The following OR5H14 variants were observed in gnomAD, a reference collection of about 807,000 sequenced individuals.
OR5H14 encodes the protein olfactory receptor 5H14.
For missense variants in OR5H14, 392 were observed against 363.9 expected (o/e 1.08, Z -0.63); for synonymous variants, 155 against 130.6 (o/e 1.19, Z -1.28).
Position 98,156,353 on chromosome 3 carries a change from T to C in OR5H14, c.*6035T>C, listed in dbSNP as rs1279884681. ...GCTATTTAATATATAATGTTTGTAT[T>C]TGGATCACAGCATGCTAAGATTGCT... On this transcript the variant is annotated 3_prime_UTR_variant, in exon 2 of 2. Coordinates refer to ENST00000641380, the MANE Select transcript of OR5H14 (RefSeq NM_001005514.2). 6.6e-6 allele frequency: 1 copy of C among 152,160 alleles called. No homozygotes were observed. The highest frequency in any genetic ancestry group is 2.4e-5 in the African/African-American group (1 of 41,438). 9.4% of individuals were successfully genotyped at this position (152,160 alleles called of 1,614,324 possible).
Position 98,150,006 on chromosome 3 carries a change from A to C in OR5H14, c.621A>C (p.Gln207His). The C allele has an allele frequency of 6.2e-7, 1 of 1,613,012 alleles. No homozygotes were observed. Among genetic ancestry groups the C allele is most frequent in the Non-Finnish European group, 8.5e-7 (1 of 1,179,530 alleles). Residue 207 changes from glutamine to histidine, a missense_variant, in exon 2 of 2, where the codon CAA becomes CAC. Transcript: ENST00000641380. ...TTTTTATTTTTGCAGGTTCAATTCA[A>C]GTTTTTACCATAGGGACTGTTCTTA... is the stretch of plus-strand genomic sequence containing the variant. ...LMVFIFAGSI[Q>H]VFTIGTVLIS...
At chr3:98,148,578 A>T (rs1453854915) in intron 1 of OR5H14, among the ~76,000 whole-genome samples, 2 of 151,966 alleles carry the variant, frequency 1.3e-5, no homozygotes, top group Non-Finnish European at 1.5e-5. Flanking sequence ...TATCTCCTTT[A>T]TTACCACTTC....
Position 98,149,667 on chromosome 3 carries a change from C to T in OR5H14, c.282C>T (p.Leu94=). 1 of 1,613,542 alleles carries T rather than the reference C, an allele frequency of 6.2e-7. No individual in the cohort carries two copies. Residue 94 remains leucine, a synonymous_variant, in exon 2 of 2, where the codon CTC becomes CTT. Coordinates refer to ENST00000641380, the MANE Select transcript of OR5H14 (RefSeq NM_001005514.2). ...TAGCTAAGAGTAAGATGATATCTCT[C>T]TCTGAATGCAAGATACAGTTGTTTT... The part of the protein sequence containing the change: ...NFLAKSKMIS[L]SECKIQLFSF...
Position 98,150,237 on chromosome 3 carries a change from A to T in OR5H14, c.852A>T (p.Leu284Phe), listed in dbSNP as rs146590101. ...ESLFYTVIVP[L>F]LNPMIYSLRN... ...TATTTTACACTGTCATAGTTCCTTT[A>T]TTAAATCCCATGATCTACAGCCTGA... Residue 284 changes from leucine to phenylalanine, a missense_variant, in exon 2 of 2, where the codon TTA (leucine) becomes TTT (phenylalanine). Transcript: ENST00000641380. 1 of 1,610,804 alleles carries T rather than the reference A, an allele frequency of 6.2e-7. No homozygotes were observed.
In OR5H14 at chr3:98,150,255, C is replaced by T; in HGVS notation, c.870C>T (p.Tyr290=). Residue 290 remains tyrosine (Y), a synonymous_variant, in exon 2 of 2, where the codon TAC becomes TAT. Transcript: ENST00000641380. ...VIVPLLNPMI[Y]SLRNKQVIAS... is the part of the protein sequence containing the mutation. Reference sequence around the variant, plus strand: ...TTCCTTTATTAAATCCCATGATCTACAGCCTGAGAAACAAGCAAGTAATAG... The same window carrying T: ...TTCCTTTATTAAATCCCATGATCTATAGCCTGAGAAACAAGCAAGTAATAG... The T allele has an allele frequency of 1.2e-6, 2 of 1,605,458 alleles. No homozygotes were observed. Among genetic ancestry groups the T allele is most frequent in the South Asian group, 1.1e-5 (1 of 89,028 alleles).
Position 98,149,446 on chromosome 3 carries a change from C to G in OR5H14, c.61C>G (p.Pro21Ala), listed in dbSNP as rs753352975. The change falls in exon 2 of 2, where the codon CCA becomes GCA. Residue 21 changes from proline to alanine, a missense_variant. Physicochemically the swap from Pro to Ala is conservative, Grantham distance 27. Coordinates refer to ENST00000641380, the MANE Select transcript of OR5H14 (RefSeq NM_001005514.2). ...TGTTCTCACAGGATTTTTATATCAA[C>G]CACAGTGGAAAATACCCCTGTTCCT... ...EFVLTGFLYQ[P>A]QWKIPLFLAF... 1.9e-6 allele frequency: 3 copies of G among 1,613,358 alleles called. No individual in the cohort carries two copies. The East Asian group carries it at 6.7e-5, about 36-fold the overall frequency.
At chr3:98,148,277 T>C (rs1301661573) in intron 1 of OR5H14, 2 of 152,060 alleles carry the variant, frequency 1.3e-5, no homozygotes, top group Non-Finnish European at 2.9e-5. Context: ...ACATCTTGGC[T>C]ATTTACCAGA....
At position 98,149,562 on chromosome 3, in the gene OR5H14, G is replaced by A. The variant is rs376408243; in HGVS notation, c.177G>A (p.Met59Ile). Residue 59 changes from methionine to isoleucine, a missense_variant, in exon 2 of 2, where the codon ATG becomes ATA. Physicochemically the swap from Met to Ile is conservative, Grantham distance 10 (BLOSUM62 1). Coordinates refer to ENST00000641380, the MANE Select transcript of OR5H14 (RefSeq NM_001005514.2). ...IWKDPHLHIP[M>I]YLLLGNLAFV... The stretch of plus-strand genomic sequence containing the variant: ...AAGACCCTCATCTTCATATCCCAAT[G>A]TACTTACTCCTTGGGAATTTAGCTT... The A allele has an allele frequency of 8.5e-5, 137 of 1,613,380 alleles. No individual in the cohort carries two copies. Among genetic ancestry groups the A allele is most frequent in the Non-Finnish European group, 1.9e-5 (23 of 1,179,584 alleles).
At position 98,155,176 on chromosome 3, in the gene OR5H14, A is replaced by C. The variant is rs1231240873; in HGVS notation, c.*4858A>C. On this transcript the variant is annotated 3_prime_UTR_variant, in exon 2 of 2. Transcript: ENST00000641380. ...ACCCCTATGATTTTATCCCCAACAC[A>C]ACCAATCAGCTTTCCTCATTCCTTA... The C allele has an allele frequency of 3.3e-5, 5 of 152,238 alleles. No individual in the cohort carries two copies. The highest frequency in any genetic ancestry group is 2.9e-5 in the Non-Finnish European group (2 of 68,066). The allele number at this position is 152,238 out of a possible 1,614,324, so 9.4% of individuals were successfully genotyped here. A position where few individuals can be genotyped will look rare whatever the true frequency, so the allele number is the denominator to read the frequency against.
In OR5H14 at chr3:98,150,326, C is replaced by G; in HGVS notation, c.*8C>G. 1 of 1,490,480 alleles carries G rather than the reference C, an allele frequency of 6.7e-7. No homozygotes were observed. The highest frequency in any genetic ancestry group is 9.0e-7 in the Non-Finnish European group (1 of 1,109,802). The allele number at this position is 1,490,480 out of a possible 1,614,324, so 92.3% of individuals were successfully genotyped here. The stretch of plus-strand genomic sequence containing the variant: ...AAAAGAAATGATGTTTAGATCATTA[C>G]TAATATCTCTTTTCTATTTACTAAA... On this transcript the variant is annotated 3_prime_UTR_variant, in exon 2 of 2. Coordinates refer to ENST00000641380, the MANE Select transcript of OR5H14 (RefSeq NM_001005514.2).
rs1252257579 is a variant in OR5H14, at chr3:98,154,373, T to C, written c.*4055T>C. ...CAGGTTAAAGTATCATGTTACTAAATTGATAAAGATCAGGGAGTCCTGGAT... is the reference window on the plus strand; with the variant it reads ...CAGGTTAAAGTATCATGTTACTAAACTGATAAAGATCAGGGAGTCCTGGAT... On this transcript the variant is annotated 3_prime_UTR_variant, in exon 2 of 2. Coordinates refer to ENST00000641380, the MANE Select transcript of OR5H14 (RefSeq NM_001005514.2). 3.3e-5 allele frequency: 5 copies of C among 152,234 alleles called. No homozygotes were observed. The highest frequency in any genetic ancestry group is 1.2e-4 in the African/African-American group (5 of 41,470). The allele number at this position is 152,234 out of a possible 1,614,324, so 9.4% of individuals were successfully genotyped here. A position where few individuals can be genotyped will look rare whatever the true frequency, so the allele number is the denominator to read the frequency against.
rs1014376847 is a variant in OR5H14 at position 98,150,652 on chromosome 3, T to G, written c.*334T>G. The G allele has an allele frequency of 2.4e-5, 4 of 168,840 alleles. No individual in the cohort carries two copies. Among genetic ancestry groups the G allele is most frequent in the African/African-American group, 9.5e-5 (4 of 41,938 alleles). 10.5% of individuals were successfully genotyped at this position (168,840 alleles called of 1,614,324 possible). On this transcript the variant is annotated 3_prime_UTR_variant, in exon 2 of 2. Coordinates refer to ENST00000641380, the MANE Select transcript of OR5H14 (RefSeq NM_001005514.2). ...TGATAAGCACTTAAGTATGATGTTT[T>G]TGATACTAACACAACTGTATGACCC...
At chr3:98,147,851 G>C (rs1194388947) in intron 1 of OR5H14, among the ~76,000 whole-genome samples, 1 of 151,940 alleles carries the variant, frequency 6.6e-6, no homozygotes, top group Non-Finnish European at 1.5e-5. Context: ...TAAAGGTTCA[G>C]ATCATAATGA....
In OR5H14 at chr3:98,149,787, C is replaced by T. The variant is rs1708474380; in HGVS notation, c.402C>T (p.Ala134=). The change falls in exon 2 of 2, where the codon GCC becomes GCT. Residue 134 remains alanine (A), a synonymous_variant. Coordinates refer to ENST00000641380, the MANE Select transcript of OR5H14 (RefSeq NM_001005514.2). ...TATGCAAACCCTTACTTTATCCAGC[C>T]ATTATGACCAATGGACTGTGCATCC... ...VAICKPLLYP[A]IMTNGLCIRL... is the part of the protein sequence containing the mutation. 2.5e-6 allele frequency: 4 copies of T among 1,612,526 alleles called. No homozygotes were observed. The highest frequency in any genetic ancestry group is 1.7e-5 in the Admixed American group (1 of 59,904).
chr3:98,149,764 T>A lies in OR5H14; in HGVS notation c.379T>A (p.Cys127Ser), dbSNP rs750432052. ...TMAYDRYVAI[C>S]KPLLYPAIMT... ...GGCATATGATCGCTATGTAGCCATA[T>A]GCAAACCCTTACTTTATCCAGCCAT... is the stretch of plus-strand genomic sequence containing the variant. The change falls in exon 2 of 2, where the codon TGC becomes AGC. Residue 127 changes from cysteine to serine, a missense_variant. By Grantham distance (112) the Cys-to-Ser change is moderately radical. Transcript: ENST00000641380. 3.7e-6 allele frequency: 6 copies of A among 1,612,824 alleles called. No homozygotes were observed. The highest frequency in any genetic ancestry group is 5.1e-6 in the Non-Finnish European group (6 of 1,179,652).
At position 98,150,148 on chromosome 3, in the gene OR5H14, C is replaced by T; in HGVS notation, c.763C>T (p.Leu255Phe). 3 of 1,612,088 alleles carry T rather than the reference C, an allele frequency of 1.9e-6. No individual in the cohort carries two copies. Among genetic ancestry groups the T allele is most frequent in the South Asian group, 2.2e-5 (2 of 90,904 alleles). ...ATCTGTATCTTTATACTATGGGCCC[C>T]TCGCCTTCATGTATATGGGCTCTGC... Reference protein sequence around the residue: ...LLSVSLYYGPLAFMYMGSASP... With the variant: ...LLSVSLYYGPFAFMYMGSASP... Residue 255 changes from leucine to phenylalanine, a missense_variant, in exon 2 of 2, where the codon CTC becomes TTC. Leu to Phe is a conservative substitution (Grantham distance 22). Coordinates refer to ENST00000641380, the MANE Select transcript of OR5H14 (RefSeq NM_001005514.2).
At chr3:98,148,856 T>C in intron 1 of OR5H14, among the ~76,000 whole-genome samples, 1 of 152,046 alleles carries the variant, frequency 6.6e-6, no homozygotes, top group East Asian at 1.9e-4. Context: ...GGTTTGGGAT[T>C]GCTGGAACCT....
chr3:98,153,836 A>G lies in OR5H14; in HGVS notation c.*3518A>G, dbSNP rs1015965948. On this transcript the variant is annotated 3_prime_UTR_variant, in exon 2 of 2. Coordinates refer to ENST00000641380, the MANE Select transcript of OR5H14 (RefSeq NM_001005514.2). ...ATGAAGATTGTCCTCTGAAGTTTAT[A>G]TCAAGTTGTCCAGACCTAGCTTGCA... 1 of 152,202 alleles carries G rather than the reference A, an allele frequency of 6.6e-6. No individual in the cohort carries two copies. The highest frequency in any genetic ancestry group is 2.4e-5 in the African/African-American group (1 of 41,468). 9.4% of individuals were successfully genotyped at this position (152,202 alleles called of 1,614,324 possible).
intron 1 of OR5H14, among the ~76,000 whole-genome samples, 164 bp downstream of exon 1, chr3:98,147,718 A>G (rs1007153299): frequency 3.3e-5 from 5 of 152,098 alleles, no homozygotes; most frequent in Non-Finnish European, 7.4e-5. Context: ...TTTTATGACT[A>G]TACTATGGAT....
Sources: gnomAD v4.1 joint callset for allele counts (sites outside exome capture counted in the v4.1 genomes callset) on GRCh38, gnomAD v4.1.1 for gene constraint, MANE v1.5 for transcripts, NCBI Gene and HGNC (gene_info 2026-07-23, HGNC 2026-07-21) for gene names.